Variants in DIAPH3 observed in about 807,000 individuals in gnomAD.
The protein encoded by DIAPH3 is diaphanous related formin 3, also known as protein diaphanous homolog 3.
A neutral mutation model predicts 144.3 loss-of-function variants in DIAPH3; 117 were observed. That is an observed-to-expected ratio of 0.81 (90% CI 0.70 to 0.95). The LOEUF (loss-of-function observed/expected upper bound fraction) is 0.95, where lower values mean the gene tolerates loss of function less well. Among genes scored for constraint, DIAPH3 ranks in the 40% least tolerant of loss-of-function variants. The probability of loss-of-function intolerance (pLI) is 0.00; values close to 1 mark genes in which losing one functional copy is unlikely to be tolerated. For missense variants in DIAPH3, 1,421 were observed against 1,412.7 expected (o/e 1.01, Z -0.09); for synonymous variants, 519 against 488.9 (o/e 1.06, Z -0.81).
At chr13:60,097,249 C>T (rs7336739) in intron 3 of DIAPH3, among the ~76,000 whole-genome samples, 4,824 of 152,176 alleles carry the variant, frequency 0.032, 267 homozygotes, top group African/African-American at 0.11. Context: ...AATTTGATCC[C>T]CAATGTTGGA....
At chr13:60,121,868 T>G (rs571880635) in intron 2 of DIAPH3, among the ~76,000 whole-genome samples, 1 of 152,266 alleles carries the variant, frequency 6.6e-6, no homozygotes, top group African/African-American at 2.4e-5. Flanking sequence ...AACCAAAGCA[T>G]GTGGACTACA....
At chr13:60,149,813 C>G (rs529948401) in intron 1 of DIAPH3, among the ~76,000 whole-genome samples, 14 of 150,620 alleles carry the variant, frequency 9.3e-5, no homozygotes, top group African/African-American at 3.2e-4. Context: ...GCCCTTGGGG[C>G]TGCTCTGCCT....
chr13:59,961,735 G>A (rs980779430), intron 17 of DIAPH3, among the ~76,000 whole-genome samples: 8 of 152,030 alleles, frequency 5.3e-5, no homozygotes, highest in Non-Finnish European at 1.0e-4. Context: ...CATTCAGAGG[G>A]GCTGCTTCTT....
intron 27 of DIAPH3, among the ~76,000 whole-genome samples, chr13:59,699,824 C>A (rs940779623): frequency 4.6e-5 from 7 of 152,158 alleles, no homozygotes; most frequent in African/African-American, 1.4e-4. Context: ...TCATTCACTT[C>A]TCTTACCCTG....
intron 27 of DIAPH3, among the ~76,000 whole-genome samples, chr13:59,686,211 CTCAG>C (rs530482104): frequency 6.6e-4 from 101 of 152,002 alleles, no homozygotes; most frequent in Non-Finnish European, 1.3e-3. Flanking sequence ...AAATGTGGCA[CTCAG>C]TCATTCATCT....
chr13:59,886,846 A>G (rs1396970545), intron 20 of DIAPH3, among the ~76,000 whole-genome samples: 2 of 152,054 alleles, frequency 1.3e-5, no homozygotes, highest in African/African-American at 4.8e-5. Flanking sequence ...GGTCAGCTGA[A>G]AAAAAGAAAA....
Position 60,058,155 on chromosome 13 carries a change from A to G in DIAPH3, c.496-15335T>C, listed in dbSNP as rs144816369. On this transcript the variant is annotated intron_variant, in intron 4 of 27. Transcript: ENST00000400324. Reference sequence around the variant, plus strand: ...AAATTATGCATCTGACAAAGAATTAATATCCAGAATCTAAAAGTAACTCAA... The same window carrying G: ...AAATTATGCATCTGACAAAGAATTAGTATCCAGAATCTAAAAGTAACTCAA... 4.2e-3 allele frequency among the ~76,000 whole-genome samples: 638 copies of G among 152,044 alleles called. 8 individuals are homozygous for G. Among genetic ancestry groups the G allele is most frequent in the African/African-American group, 0.015 (608 of 41,540 alleles).
In DIAPH3 at chr13:59,953,967, A is replaced by T. The variant is rs77739890; in HGVS notation, c.2074+15977T>A. Among the ~76,000 whole-genome samples the T allele has an allele frequency of 3.9e-3, 589 of 152,322 alleles. 3 individuals carry two copies. Among genetic ancestry groups the T allele is most frequent in the Middle Eastern group, 0.01 (3 of 294 alleles). On this transcript the variant is annotated intron_variant, in intron 17 of 27. Coordinates refer to ENST00000400324, the MANE Select transcript of DIAPH3 (RefSeq NM_001042517.2). ...AGGCTATCGCTGTTTCTAAGTGTCA[A>T]GAAACAAAATAAGGCAAAATAGGAG...
chr13:59,969,048 G>A (rs1270847156), intron 17 of DIAPH3, among the ~76,000 whole-genome samples: 1 of 152,110 alleles, frequency 6.6e-6, no homozygotes, highest in Non-Finnish European at 1.5e-5. Flanking sequence ...ATTGATCTAA[G>A]TGTTTTGCAC....
At chr13:59,685,722 T>C (rs553895016) in intron 27 of DIAPH3, among the ~76,000 whole-genome samples, 5 of 152,168 alleles carry the variant, frequency 3.3e-5, no homozygotes, top group South Asian at 4.2e-4. Context: ...TAAATAGAGA[T>C]GGAAAAGTGG....
At chr13:59,704,725 G>T (rs773225197) in intron 27 of DIAPH3, among the ~76,000 whole-genome samples, 3 of 152,202 alleles carry the variant, frequency 2.0e-5, no homozygotes, top group Non-Finnish European at 2.9e-5. Context: ...CAGCCTAGGA[G>T]TAACAGGTTA....
intron 5 of DIAPH3, among the ~76,000 whole-genome samples, chr13:60,039,032 C>T (rs2141166418): frequency 6.6e-6 from 1 of 151,738 alleles, no homozygotes; most frequent in African/African-American, 2.4e-5. Context: ...TCAGAACTAG[C>T]TCAAAACTGT....
chr13:60,133,492 A>T (rs2059193850), intron 1 of DIAPH3, among the ~76,000 whole-genome samples: 1 of 152,138 alleles, frequency 6.6e-6, no homozygotes, highest in African/African-American at 2.4e-5. Context: ...TGGCTTAATT[A>T]ACTTAAACAA....
intron 25 of DIAPH3, among the ~76,000 whole-genome samples, chr13:59,802,585 T>C (rs1409682661): frequency 6.9e-6 from 1 of 145,866 alleles, no homozygotes; most frequent in African/African-American, 2.5e-5. Context: ...TTTTACTTCA[T>C]GGTTTTTTTT....
chr13:59,756,448 G>GGAAGGAAGGAAGGAATGAAGGAAA (rs1555289851), intron 27 of DIAPH3, among the ~76,000 whole-genome samples: 1 of 126,220 alleles, frequency 7.9e-6, no homozygotes, highest in Non-Finnish European at 1.6e-5. Flanking sequence ...AAGGAAAGAA[G>GGAAGGAAGGAAGGAATGAAGGAAA]GAAGGAAGGA....
At chr13:59,974,772 T>C (rs1285038373) in intron 14 of DIAPH3, among the ~76,000 whole-genome samples, 1 of 152,124 alleles carries the variant, frequency 6.6e-6, no homozygotes, top group Non-Finnish European at 1.5e-5. Flanking sequence ...AATATTATTG[T>C]GACTTTGTGT....
At chr13:59,678,778 C>T (rs925188904) in intron 27 of DIAPH3, among the ~76,000 whole-genome samples, 3 of 152,120 alleles carry the variant, frequency 2.0e-5, no homozygotes, top group Admixed American at 1.3e-4. Flanking sequence ...AAACAAAACT[C>T]TATATTATTT....
At chr13:59,729,683 A>G (rs2792373) in intron 27 of DIAPH3, among the ~76,000 whole-genome samples, 107,809 of 151,870 alleles carry the variant, frequency 0.71, 38,732 homozygotes, top group Admixed American at 0.78. Context: ...TCTGAATAAG[A>G]CCTGTAGAAT....
chr13:59,913,993 G>C (rs1218009886), intron 19 of DIAPH3, among the ~76,000 whole-genome samples: 1 of 151,728 alleles, frequency 6.6e-6, no homozygotes, highest in Non-Finnish European at 1.5e-5. Context: ...AAAAATTATT[G>C]AGCCTAATAC....
Sources: gnomAD v4.1 joint callset for allele counts (sites outside exome capture counted in the v4.1 genomes callset) on GRCh38, gnomAD v4.1.1 for gene constraint, MANE v1.5 for transcripts, NCBI Gene and HGNC (gene_info 2026-07-23, HGNC 2026-07-21) for gene names.